Variants in TMEM247 observed in about 807,000 individuals in gnomAD.
TMEM247 encodes the protein transmembrane protein ENSP00000343375.
In TMEM247, 23 loss-of-function variants were observed where a neutral mutation model predicts 20.7. The ratio of observed to expected loss-of-function variants is 1.11; its 90% CI spans 0.80 to 1.57. TMEM247 has a LOEUF of 1.57. TMEM247 is among the 40% of genes most tolerant of loss of function. The pLI is 0.00. For missense variants in TMEM247, 354 were observed against 283.8 expected, an observed-to-expected ratio of 1.25 and a Z score of -1.78; for synonymous variants, 106 against 111.9, an observed-to-expected ratio of 0.95 and a Z score of 0.33.
chr2:46,480,212 GT>G (rs1401951224), intron 1 of TMEM247, among the ~76,000 whole-genome samples, 192 bp from the exon 2 acceptor site: 1 of 152,156 alleles, frequency 6.6e-6, no homozygotes, highest in Non-Finnish European at 1.5e-5. Context: ...CTTTGTGCTA[GT>G]TTGCCCTCTC....
exon 3 of TMEM247, chr2:46,484,345 G>A: frequency 1.9e-6 from 3 of 1,552,372 alleles, no homozygotes; most frequent in Non-Finnish European, 1.7e-6. Flanking sequence ...CCAAGGAGAT[G>A]GTCTTCTTTC....
intron 2 of TMEM247, among the ~76,000 whole-genome samples, chr2:46,481,933 T>C (rs1225824942): frequency 6.6e-6 from 1 of 152,196 alleles, no homozygotes; most frequent in East Asian, 1.9e-4. Flanking sequence ...TCATCACCCT[T>C]GAGTTACATT....
chr2:46,482,129 T>A (rs1686901704), intron 2 of TMEM247, among the ~76,000 whole-genome samples: 1 of 152,224 alleles, frequency 6.6e-6, no homozygotes, highest in Non-Finnish European at 1.5e-5. Context: ...CGTGCTGGCT[T>A]CTTAAACAAT....
Position 46,480,539 on chromosome 2 carries a change from C to T in TMEM247, c.252C>T (p.Gly84=), listed in dbSNP as rs368909438. ...GCCGTGCTACCAAAGGCCAGGCTGG[C>T]GACGGACCCAAACCCGCAGAGCTGC... Residue 84 remains glycine (G), a synonymous_variant, in exon 2 of 3, where the codon GGC becomes GGT. Coordinates refer to ENST00000434431, the Ensembl canonical transcript of TMEM247. The T allele has an allele frequency of 5.2e-6, 8 of 1,551,608 alleles. No individual in the cohort carries two copies. The African/African-American group carries it at 6.8e-5, about 13-fold the overall frequency.
At position 46,479,608 on chromosome 2, in the gene TMEM247, T is replaced by C. The variant is rs1249954665; in HGVS notation, c.23T>C (p.Met8Thr). ...TGGATGGCAGCAGAGGACAGGGAGATGATGGAAGCCCGGGGTGCGGGAGAA... is the reference window on the plus strand; with the variant it reads ...TGGATGGCAGCAGAGGACAGGGAGACGATGGAAGCCCGGGGTGCGGGAGAA... Residue 8 changes from methionine to threonine, a missense_variant, in exon 1 of 3, where the codon ATG becomes ACG. Transcript: ENST00000434431. 6.4e-6 allele frequency: 10 copies of C among 1,551,652 alleles called. No homozygotes were observed. The East Asian group carries it at 2.0e-4, about 30-fold the overall frequency.
At chr2:46,479,898 G>A (rs1457934697) in intron 1 of TMEM247, among the ~76,000 whole-genome samples, 196 bp downstream of exon 1, 8 of 152,138 alleles carry the variant, frequency 5.3e-5, no homozygotes, top group South Asian at 2.1e-4. Context: ...TATGAAGCTG[G>A]GTTTGGTCTC....
At chr2:46,481,127 C>T (rs966701223) in intron 2 of TMEM247, among the ~76,000 whole-genome samples, 7 of 152,160 alleles carry the variant, frequency 4.6e-5, no homozygotes, top group Admixed American at 4.6e-4. Flanking sequence ...AAGTCTTCAA[C>T]ATTTCCTCCC....
chr2:46,480,511 C>A, exon 2 of TMEM247: 5 of 1,551,732 alleles, frequency 3.2e-6, no homozygotes, highest in South Asian at 1.2e-5. Flanking sequence ...TCCCCCAAGT[C>A]CTGCCGTGCT....
At chr2:46,480,377 C>T (rs1460608372) in intron 1 of TMEM247, 28 bp from the exon 2 acceptor site, 37 of 1,509,872 alleles carry the variant, frequency 2.5e-5, no homozygotes, top group Non-Finnish European at 3.2e-5. Context: ...CTTCAAGGTA[C>T]CTCCCCTCCC....
chr2:46,484,238 C>T lies in TMEM247; in HGVS notation c.478-6C>T. 1.3e-6 allele frequency: 2 copies of T among 1,547,920 alleles called. No individual in the cohort carries two copies. The highest frequency in any genetic ancestry group is 2.4e-5 in the South Asian group (2 of 83,204). On this transcript the variant is annotated splice_polypyrimidine_tract_variant and splice_region_variant and intron_variant, in intron 2 of 2. Transcript: ENST00000434431. ...CATCATCTCCACTGTCTTCTCTCCC[C>T]CACAGTTTTCAGGAGGCCTCCAGAA...
chr2:46,484,393 T>C (rs1686949583), exon 3 of TMEM247: 1 of 1,552,038 alleles, frequency 6.4e-7, no homozygotes, highest in African/African-American at 1.4e-5. Context: ...TTGCAGCCAT[T>C]TTGCTCTGTT....
At chr2:46,483,890 T>A (rs1330745919) in intron 2 of TMEM247, among the ~76,000 whole-genome samples, 2 of 152,184 alleles carry the variant, frequency 1.3e-5, no homozygotes, top group Non-Finnish European at 2.9e-5. Context: ...TGGGCTCAAG[T>A]GATCCTTCCA....
chr2:46,484,197 G>A, intron 2 of TMEM247, 47 bp from the exon 3 acceptor site: 1 of 1,503,220 alleles, frequency 6.7e-7, no homozygotes. Context: ...GATCTGCCTG[G>A]CGCCAACAAT....
At chr2:46,481,058 CG>C (rs1686879778) in intron 2 of TMEM247, among the ~76,000 whole-genome samples, 1 of 152,120 alleles carries the variant, frequency 6.6e-6, no homozygotes, top group African/African-American at 2.4e-5. Context: ...GAGCTGAGGC[CG>C]GGAGGGTCCC....
chr2:46,480,415 C>G, exon 2 of TMEM247: 1 of 1,545,052 alleles, frequency 6.5e-7, no homozygotes, highest in East Asian at 2.5e-5. Context: ...GAGGCAGAGT[C>G]CCAGAAGCCA....
chr2:46,479,653 A>C (rs563164420), exon 1 of TMEM247: 6 of 1,551,778 alleles, frequency 3.9e-6, no homozygotes, highest in Non-Finnish European at 4.4e-6. Flanking sequence ...ACCTTCCCCA[A>C]GATGGTGCCT....
At chr2:46,480,759 C>A (rs772620209) in exon 2 of TMEM247, 1 of 1,125,218 alleles carries the variant, frequency 8.9e-7, no homozygotes, top group East Asian at 8.6e-5. Flanking sequence ...GGCGGCGCCC[C>A]GCCTGGTGGG....
At chr2:46,481,641 AG>A (rs1156309173) in intron 2 of TMEM247, among the ~76,000 whole-genome samples, 2 of 152,258 alleles carry the variant, frequency 1.3e-5, no homozygotes, top group African/African-American at 4.8e-5. Context: ...CTTTGCAATT[AG>A]CCCAGCACAT....
At chr2:46,481,042 T>G (rs1056063745) in intron 2 of TMEM247, among the ~76,000 whole-genome samples, 1 of 152,250 alleles carries the variant, frequency 6.6e-6, no homozygotes, top group Admixed American at 6.5e-5. Context: ...TGTGACTCTC[T>G]AAGGAGAGCT....
Sources: allele counts gnomAD v4.1 joint callset (sites outside exome capture counted in the v4.1 genomes callset), GRCh38; gene constraint gnomAD v4.1.1; transcripts MANE v1.5; gene names NCBI Gene and HGNC (gene_info 2026-07-23, HGNC 2026-07-21).